Variants in NCOR2 observed in about 807,000 individuals in gnomAD.
The protein encoded by NCOR2 is CTG repeat protein 26.
Under a neutral mutation model 262.9 loss-of-function variants are expected in NCOR2, and 81 were observed. The ratio of observed to expected loss-of-function variants is 0.31; its 90% confidence interval spans 0.26 to 0.37. The LOEUF (loss-of-function observed/expected upper bound fraction) is 0.37, where lower values mean the gene tolerates loss of function less well. NCOR2 is among the 10% of genes least tolerant of loss of function. The probability of loss-of-function intolerance (pLI) is 1.00; values close to 1 mark genes in which losing one functional copy is unlikely to be tolerated. For missense variants in NCOR2, 3,385 were observed against 3,621.4 expected (o/e 0.93, Z 1.68); for synonymous variants, 1,659 against 1,559.3 (o/e 1.06, Z -1.51).
At chr12:124,370,209 G>A (rs1189552314) in intron 20 of NCOR2, among the ~76,000 whole-genome samples, 1 of 152,228 alleles carries the variant, frequency 6.6e-6, no homozygotes, top group Non-Finnish European at 1.5e-5. Flanking sequence ...AGAAGCTCAG[G>A]GATTTGGTGC....
At chr12:124,328,976 T>C (rs2034936023) in intron 44 of NCOR2, 5 of 349,734 alleles carry the variant, frequency 1.4e-5, no homozygotes, top group Admixed American at 7.7e-5. Flanking sequence ...AAAAGCAACA[T>C]TTCCAACAAG....
chr12:124,449,057 C>T (rs961425682), intron 7 of NCOR2, among the ~76,000 whole-genome samples: 1 of 152,190 alleles, frequency 6.6e-6, no homozygotes, highest in Non-Finnish European at 1.5e-5. Context: ...TGGGCACTAA[C>T]ATGAGATAAC....
At chr12:124,499,018 T>A (rs1384344753), upstream of NCOR2, among the ~76,000 whole-genome samples, 1 of 151,914 alleles carries the variant, frequency 6.6e-6, no homozygotes, top group Non-Finnish European at 1.5e-5. Context: ...GGTTACAGGG[T>A]TTTACAGGGC....
chr12:124,519,581 C>T (rs1055172191), intron 1 of NCOR2, among the ~76,000 whole-genome samples: 11 of 152,116 alleles, frequency 7.2e-5, no homozygotes, highest in African/African-American at 2.4e-4. Context: ...GAGAGTTTGA[C>T]GATGAGGTCA....
chr12:124,499,830 G>A (rs919530637), upstream of NCOR2, among the ~76,000 whole-genome samples: 2 of 152,182 alleles, frequency 1.3e-5, no homozygotes, highest in Non-Finnish European at 2.9e-5. Flanking sequence ...GCAGGCACTG[G>A]GGACAGCAAG....
At chr12:124,333,428 C>T (rs1055126362) in intron 41 of NCOR2, 149 bp from the exon 44 acceptor site, 7 of 622,062 alleles carry the variant, frequency 1.1e-5, no homozygotes, top group Non-Finnish European at 4.9e-6. Context: ...CAAGTAATCT[C>T]TGGCATGTAT....
intron 20 of NCOR2, among the ~76,000 whole-genome samples, chr12:124,369,803 G>C (rs2039342647): frequency 6.6e-6 from 1 of 152,136 alleles, no homozygotes; most frequent in South Asian, 2.1e-4. Context: ...GCCAGGCCCA[G>C]CTCGGGGAGG....
chr12:124,340,367 GTCCCGCTCTCGA>G, exon 36 of NCOR2: 1 of 1,613,016 alleles, frequency 6.2e-7, no homozygotes, highest in Non-Finnish European at 8.5e-7. Context: ...CCCGATCCCG[GTCCCGCTCTCGA>G]TCCCGGTCTC....
chr12:124,501,429 T>C (rs2048729066), intron 1 of NCOR2, among the ~76,000 whole-genome samples: 4 of 151,942 alleles, frequency 2.6e-5, no homozygotes, highest in African/African-American at 7.3e-5. Flanking sequence ...ATGGATTGTC[T>C]CACTGTTCTG....
intron 20 of NCOR2, among the ~76,000 whole-genome samples, chr12:124,367,997 C>T (rs1198099919): frequency 4.6e-5 from 7 of 152,184 alleles, no homozygotes; most frequent in African/African-American, 1.2e-4. Flanking sequence ...CTGGGTGGGG[C>T]GGGGACTCTC....
chr12:124,422,586 T>G (rs757639195), intron 11 of NCOR2, 31 bp from the exon 14 acceptor site: 1 of 1,613,024 alleles, frequency 6.2e-7, no homozygotes, highest in South Asian at 1.1e-5. Flanking sequence ...GCGTGAGACC[T>G]GGCCGAGGGG....
chr12:124,417,656 T>C (rs985894757), intron 13 of NCOR2, among the ~76,000 whole-genome samples: 2 of 152,178 alleles, frequency 1.3e-5, no homozygotes, highest in Non-Finnish European at 2.9e-5. Flanking sequence ...TTTGTCATAA[T>C]CCCCACCGCT....
At chr12:124,383,151 C>G (rs1187078207) in intron 17 of NCOR2, among the ~76,000 whole-genome samples, 1 of 152,214 alleles carries the variant, frequency 6.6e-6, no homozygotes, top group Non-Finnish European at 1.5e-5. Context: ...ACTCTGCAGG[C>G]AGCCACCCAG....
intron 37 of NCOR2, among the ~76,000 whole-genome samples, chr12:124,337,835 C>T (rs1036924601): frequency 6.6e-6 from 1 of 152,280 alleles, no homozygotes; most frequent in South Asian, 2.1e-4. Flanking sequence ...GCTCCACCCA[C>T]GTGGCCTTCC....
intron 42 of NCOR2, among the ~76,000 whole-genome samples, 189 bp downstream of exon 44, chr12:124,332,941 G>A (rs982412170): frequency 6.6e-6 from 1 of 152,152 alleles, no homozygotes; most frequent in African/African-American, 2.4e-5. Context: ...CTACCACTGA[G>A]GTCTCCCCAG....
At chr12:124,450,309 C>T (rs1420369786) in intron 6 of NCOR2, among the ~76,000 whole-genome samples, 1 of 152,222 alleles carries the variant, frequency 6.6e-6, no homozygotes, top group Admixed American at 6.5e-5. Flanking sequence ...AAGACAAAAA[C>T]GTTGAATGCC....
intron 13 of NCOR2, among the ~76,000 whole-genome samples, chr12:124,403,786 T>C (rs2042115072): frequency 6.6e-6 from 1 of 152,170 alleles, no homozygotes; most frequent in Admixed American, 6.5e-5. Context: ...CTCCAGCCTC[T>C]TTTCATTTAG....
At chr12:124,386,979 G>A (rs1213172645) in intron 16 of NCOR2, among the ~76,000 whole-genome samples, 3 of 152,262 alleles carry the variant, frequency 2.0e-5, no homozygotes, top group Non-Finnish European at 4.4e-5. Flanking sequence ...CGGCAAGAGG[G>A]TGCCCCTCCA....
intron 1 of NCOR2, chr12:124,529,716 G>A (rs1352614297): frequency 1.3e-5 from 2 of 152,202 alleles, no homozygotes; most frequent in Admixed American, 6.5e-5. Context: ...TCAAAACACA[G>A]AACCACAGCT....
Sources: allele counts gnomAD v4.1 joint callset (sites outside exome capture counted in the v4.1 genomes callset), GRCh38; gene constraint gnomAD v4.1.1; transcripts MANE v1.5; gene names NCBI Gene and HGNC (gene_info 2026-07-23, HGNC 2026-07-21).